MECR: variants seen among roughly 807,000 people sequenced by gnomAD.
The protein encoded by MECR is mitochondrial trans-2-enoyl-CoA reductase, also known as enoyl-[acyl-carrier-protein] reductase, mitochondrial.
MECR carries 37 observed loss-of-function variants against 49.1 expected under a neutral mutation model. That is an observed-to-expected ratio of 0.75 (90% CI 0.58 to 0.99). MECR has a LOEUF of 0.99. Ranked by LOEUF, MECR falls within the 50% of genes least tolerant of loss-of-function variation. The pLI is 0.00. For synonymous variants in MECR, 198 were observed against 191.1 expected (o/e 1.04, Z -0.30); for missense variants, 470 against 479.6 (o/e 0.98, Z 0.19).
chr1:29,169,007 A>C, the MECR span: 1 of 152,250 alleles, frequency 6.6e-6, no homozygotes, highest in African/African-American at 2.4e-5. Flanking sequence ...GATGTGATTT[A>C]ATTTTCATTA....
rs764550864 is a variant in MECR at position 29,206,884 on chromosome 1, A to G, written c.428T>C (p.Val143Ala). 6.2e-7 allele frequency: 1 copy of G among 1,614,168 alleles called. No individual in the cohort carries two copies. The change falls in exon 4 of 10, where the codon GTG becomes GCG. Residue 143 changes from valine to alanine, a missense_variant. By Grantham distance (64) the Val-to-Ala change is moderately conservative (BLOSUM62 0). Coordinates refer to ENST00000263702, the MANE Select transcript of MECR (RefSeq NM_016011.5). ...AGLGTWRTEA[V>A]FSEEALIQVP... The stretch of plus-strand genomic sequence containing the variant: ...TTGGATCAGTGCTTCCTCGCTGAAC[A>G]CAGCCTCGGTCCGCCAGGTTCCTGA...
At chr1:29,181,762 GGCAGTGATGGCTGGCCCCGGCCCCA>G in the MECR span, 1 of 1,568,736 alleles carries the variant, frequency 6.4e-7, no homozygotes, top group Admixed American at 1.8e-5. Context: ...TCCCGGCAAC[GGCAGTGATGGCTGGCCCCGGCCCCA>G]GCCCCCCTTA....
the MECR span, chr1:29,172,774 A>G: frequency 6.6e-6 from 1 of 152,192 alleles, no homozygotes; most frequent in African/African-American, 2.4e-5. Context: ...TGGAATCCAT[A>G]TGTACTCAGG....
downstream of MECR, among the ~76,000 whole-genome samples, chr1:29,190,784 A>G (rs1030486812): frequency 4.7e-5 from 7 of 148,860 alleles, no homozygotes; most frequent in Non-Finnish European, 8.9e-5. Context: ...GCAAGACTCC[A>G]TCATCTCTCC....
chr1:29,175,093 C>T, the MECR span, among the ~76,000 whole-genome samples: 3 of 151,336 alleles, frequency 2.0e-5, no homozygotes, highest in African/African-American at 7.3e-5. Flanking sequence ...CAAAGAGTTA[C>T]ATCTTTGGAT....
At chr1:29,210,020 T>A (rs1677574559) in intron 3 of MECR, among the ~76,000 whole-genome samples, 1 of 151,724 alleles carries the variant, frequency 6.6e-6, no homozygotes, top group Non-Finnish European at 1.5e-5. Flanking sequence ...CACTTTTTTT[T>A]TTTTTTTTGA....
intron 4 of MECR, among the ~76,000 whole-genome samples, chr1:29,204,265 G>A (rs904345490): frequency 1.3e-5 from 2 of 151,932 alleles, no homozygotes; most frequent in Admixed American, 6.6e-5. Context: ...CATCGTGTCC[G>A]GGAAAGTGCT....
chr1:29,179,735 T>C, the MECR span, among the ~76,000 whole-genome samples: 1 of 152,174 alleles, frequency 6.6e-6, no homozygotes, highest in African/African-American at 2.4e-5. Context: ...TTCAAGCAAA[T>C]CATTCCAAGT....
chr1:29,179,295 T>C, the MECR span, among the ~76,000 whole-genome samples: 14 of 152,342 alleles, frequency 9.2e-5, no homozygotes, highest in Admixed American at 9.2e-4. Context: ...GACCATGTCT[T>C]CAACACCAAT....
downstream of MECR, among the ~76,000 whole-genome samples, chr1:29,192,354 T>C (rs1248707916): frequency 1.3e-5 from 2 of 152,180 alleles, no homozygotes; most frequent in Non-Finnish European, 2.9e-5. Context: ...CGCAGTTTCC[T>C]GCTCGGTTTT....
At chr1:29,217,287 A>G (rs577009357) in intron 1 of MECR, among the ~76,000 whole-genome samples, 74 of 148,594 alleles carry the variant, frequency 5.0e-4, no homozygotes, top group African/African-American at 1.7e-3. Flanking sequence ...TCGGCTCACT[A>G]AAAGCTCCGC....
Position 29,216,892 on chromosome 1 carries a change from T to C in MECR, c.177-207A>G, listed in dbSNP as rs111326964. 0.1 allele frequency: 127,730 copies of C among 1,221,622 alleles called. 9,477 individuals carry two copies. The highest frequency in any genetic ancestry group is 0.43 in the East Asian group (14,052 of 32,836). 75.7% of individuals were successfully genotyped at this position (1,221,622 alleles called of 1,614,324 possible). The stretch of plus-strand genomic sequence containing the variant: ...GCTCACGCCTGTAATCCCAGCACTT[T>C]GGAAGGCCGAGACAGGCGGATAACC... On this transcript the variant is annotated intron_variant, in intron 1 of 9. Coordinates refer to ENST00000263702, the MANE Select transcript of MECR (RefSeq NM_016011.5).
At chr1:29,208,303 G>C (rs554183055) in intron 3 of MECR, among the ~76,000 whole-genome samples, 7 of 152,180 alleles carry the variant, frequency 4.6e-5, no homozygotes, top group Non-Finnish European at 8.8e-5. Flanking sequence ...GACTCAGGTA[G>C]TTTTAGGCAA....
chr1:29,210,543 G>C (rs997737381), intron 3 of MECR, among the ~76,000 whole-genome samples: 2 of 152,148 alleles, frequency 1.3e-5, no homozygotes, highest in Non-Finnish European at 2.9e-5. Flanking sequence ...ATGAAATCCA[G>C]GGCATTTTCT....
chr1:29,190,639 A>T (rs1164349239), downstream of MECR, among the ~76,000 whole-genome samples: 1 of 151,786 alleles, frequency 6.6e-6, no homozygotes, highest in Non-Finnish European at 1.5e-5. Context: ...ATTAAAAATA[A>T]CAAAAACTAG....
the MECR span, chr1:29,181,775 G>A: frequency 6.4e-7 from 1 of 1,551,404 alleles, no homozygotes; most frequent in East Asian, 2.6e-5. Context: ...AGTGATGGCT[G>A]GCCCCGGCCC....
chr1:29,217,055 A>G (rs559775108), intron 1 of MECR, among the ~76,000 whole-genome samples: 2 of 149,128 alleles, frequency 1.3e-5, no homozygotes, highest in African/African-American at 4.9e-5. Context: ...AATTGCTTCA[A>G]CGTGGGAGGC....
At chr1:29,213,578 T>G (rs1376051014) in intron 3 of MECR, among the ~76,000 whole-genome samples, 2 of 152,242 alleles carry the variant, frequency 1.3e-5, no homozygotes, top group African/African-American at 4.8e-5. Flanking sequence ...GCAAGGCCCA[T>G]TCAGGGCCCT....
rs1458598676 is a variant in MECR at position 29,203,099 on chromosome 1, T to A, written c.653+32A>T. On this transcript the variant is annotated intron_variant, in intron 5 of 9. Transcript: ENST00000263702. Reference sequence around the variant, plus strand: ...TGGGAGGTGGGAAAGACCCAAGACATGGTCTGGGATGAAGCCTCCTTCCCC... The same window carrying A: ...TGGGAGGTGGGAAAGACCCAAGACAAGGTCTGGGATGAAGCCTCCTTCCCC... 1.3e-5 allele frequency: 20 copies of A among 1,512,032 alleles called. No individual in the cohort carries two copies. The South Asian group carries it at 1.3e-4, about 10-fold the overall frequency. The allele number at this position is 1,512,032 out of a possible 1,614,324, so 93.7% of individuals were successfully genotyped here. A position where few individuals can be genotyped will look rare whatever the true frequency, so the allele number is the denominator to read the frequency against.
Sources: allele counts gnomAD v4.1 joint callset (sites outside exome capture counted in the v4.1 genomes callset), GRCh38; gene constraint gnomAD v4.1.1; transcripts MANE v1.5; gene names NCBI Gene and HGNC (gene_info 2026-07-23, HGNC 2026-07-21).